MERTK: variants seen among roughly 807,000 people sequenced by gnomAD.
MERTK encodes tyrosine-protein kinase Mer.
Under a neutral mutation model 99.3 loss-of-function variants are expected in MERTK, and 69 were observed. That is an observed-to-expected ratio of 0.70 (90% CI 0.57 to 0.85). MERTK has a LOEUF of 0.85. MERTK is among the 40% of genes least tolerant of loss of function. The pLI, the probability that MERTK is intolerant of heterozygous loss-of-function variation, is 0.00. For synonymous variants in MERTK, 426 were observed against 467.6 expected (o/e 0.91, Z 1.15); for missense variants, 1,125 against 1,249.4 (o/e 0.90, Z 1.50).
intron 10 of MERTK, among the ~76,000 whole-genome samples, chr2:111,999,668 C>G (rs536514681): frequency 1.0e-3 from 153 of 152,258 alleles, no homozygotes; most frequent in Middle Eastern, 6.8e-3. Context: ...TGCTCCATAC[C>G]TAGTTTCCCC....
Position 111,997,459 on chromosome 2 carries a change from C to T in MERTK, c.1587C>T (p.Val529=). 2 of 1,613,974 alleles carry T rather than the reference C, an allele frequency of 1.2e-6. No individual in the cohort carries two copies. The highest frequency in any genetic ancestry group is 1.7e-6 in the Non-Finnish European group (2 of 1,179,992). Residue 529 remains valine, a synonymous_variant, in exon 10 of 19, where the codon GTC becomes GTT. Transcript: ENST00000295408. ...LYISLAIRKR[V]QETKFGNAFT... ...TCTCCTTGGCCATCAGAAAAAGAGT[C>T]CAGGAGACAAAGTTTGGGTAAGTCT...
At chr2:111,925,292 A>ATATATATATATATATATATATTTTT (rs372747015) in intron 1 of MERTK, among the ~76,000 whole-genome samples, 1 of 24,498 alleles carries the variant, frequency 4.1e-5, no homozygotes, top group Non-Finnish European at 7.3e-5. Context: ...ATATATATAT[A>ATATATATATATATATATATATTTTT]TTTTTTTTTT....
At chr2:112,014,321 A>G (rs988429085) in intron 15 of MERTK, among the ~76,000 whole-genome samples, 5 of 151,062 alleles carry the variant, frequency 3.3e-5, no homozygotes, top group Admixed American at 6.6e-5. Context: ...GTGCCCGGCC[A>G]TGCCTGGCTA....
At chr2:111,917,592 T>C (rs1684376089) in intron 1 of MERTK, among the ~76,000 whole-genome samples, 2 of 152,144 alleles carry the variant, frequency 1.3e-5, no homozygotes, top group Non-Finnish European at 2.9e-5. Flanking sequence ...TTTAAAATTA[T>C]GCTAAAAGAC....
At chr2:111,971,489 C>T (rs1277848490) in intron 6 of MERTK, among the ~76,000 whole-genome samples, 2 of 151,952 alleles carry the variant, frequency 1.3e-5, no homozygotes, top group Non-Finnish European at 2.9e-5. Context: ...AGCTGCATCC[C>T]ATAAGGTTTT....
intron 1 of MERTK, among the ~76,000 whole-genome samples, chr2:111,910,145 G>C (rs1684214853): frequency 6.6e-6 from 1 of 152,148 alleles, no homozygotes; most frequent in Non-Finnish European, 1.5e-5. Context: ...CATGCCTATG[G>C]TCATAGCTGC....
At chr2:111,997,860 T>C (rs371568278) in intron 10 of MERTK, among the ~76,000 whole-genome samples, 10 of 152,344 alleles carry the variant, frequency 6.6e-5, no homozygotes, top group African/African-American at 2.2e-4. Context: ...GAGACCAGCC[T>C]GGCCACCATG....
intron 3 of MERTK, among the ~76,000 whole-genome samples, chr2:111,945,666 A>G (rs1558781916): frequency 6.6e-6 from 1 of 152,298 alleles, no homozygotes; most frequent in East Asian, 1.9e-4. Flanking sequence ...GCCCTCAGGG[A>G]ACTTGAACTC....
rs762299005 is a variant in MERTK, at chr2:112,028,647, G to A, written c.2783G>A (p.Arg928Gln). 2.4e-5 allele frequency: 38 copies of A among 1,614,058 alleles called. No individual in the cohort carries two copies. Among genetic ancestry groups the A allele is most frequent in the Admixed American group, 1.2e-4 (7 of 59,990 alleles). ...EVHDSKPHEGRYILNGGSEEW... is the reference protein window; with the variant it reads ...EVHDSKPHEGQYILNGGSEEW... ...CATGACAGCAAACCTCATGAAGGACGGTACATCCTGAATGGGGGCAGTGAG... is the reference window on the plus strand; with the variant it reads ...CATGACAGCAAACCTCATGAAGGACAGTACATCCTGAATGGGGGCAGTGAG... Residue 928 changes from arginine (R) to glutamine (Q), a missense_variant, in exon 19 of 19, where the codon CGG becomes CAG. Coordinates refer to ENST00000295408, the MANE Select transcript of MERTK (RefSeq NM_006343.3).
chr2:111,964,043 C>CTT (rs56693776), intron 4 of MERTK, among the ~76,000 whole-genome samples: 6 of 103,856 alleles, frequency 5.8e-5, no homozygotes, highest in East Asian at 2.3e-4. Context: ...AATTTTCTTT[C>CTT]TTTTTTTTTT....
At chr2:112,011,248 T>G (rs181589592) in intron 15 of MERTK, among the ~76,000 whole-genome samples, 6 of 152,240 alleles carry the variant, frequency 3.9e-5, no homozygotes. Flanking sequence ...GCAAGGAAAT[T>G]AGTTCTTAGG....
intron 18 of MERTK, 69 bp downstream of exon 18, chr2:112,022,463 G>A (rs920491260): frequency 2.6e-5 from 41 of 1,606,056 alleles, no homozygotes; most frequent in African/African-American, 9.4e-5. Context: ...CACTGACCTC[G>A]GAAACACAGC....
chr2:111,915,033 C>T (rs753341931), intron 1 of MERTK, among the ~76,000 whole-genome samples: 32 of 152,170 alleles, frequency 2.1e-4, no homozygotes, highest in South Asian at 6.2e-4. Flanking sequence ...ATTTGTTTTT[C>T]GGTAGTTTAA....
chr2:111,997,640 C>G (rs1304745786), intron 10 of MERTK, among the ~76,000 whole-genome samples, 164 bp downstream of exon 10: 1 of 152,208 alleles, frequency 6.6e-6, no homozygotes, highest in East Asian at 1.9e-4. Context: ...ACGCCATGGT[C>G]TACAGAAGCA....
chr2:111,940,511 T>C, intron 2 of MERTK: 1 of 594,050 alleles, frequency 1.7e-6, no homozygotes, highest in Non-Finnish European at 3.3e-6. Context: ...AAGCCCTCTT[T>C]TGTTTGATTT....
chr2:111,910,163 G>C (rs1684215297), intron 1 of MERTK, among the ~76,000 whole-genome samples: 1 of 152,152 alleles, frequency 6.6e-6, no homozygotes, highest in African/African-American at 2.4e-5. Context: ...TGCTCAGCAG[G>C]CTGAGGTGGG....
At chr2:111,928,218 T>C (rs1430831838) in intron 1 of MERTK, among the ~76,000 whole-genome samples, 7 of 34,164 alleles carry the variant, frequency 2.0e-4, no homozygotes, top group Admixed American at 6.2e-4. Context: ...ATGAGCAGCT[T>C]TTTTTTTTTT....
rs532087373 is a variant in MERTK at position 111,935,860 on chromosome 2, C to T, written c.482+6320C>T. Among the ~76,000 whole-genome samples, 234 of 151,698 alleles carry T rather than the reference C, an allele frequency of 1.5e-3. 1 individual carries two copies. The highest frequency in any genetic ancestry group is 2.7e-3 in the Non-Finnish European group (183 of 67,920). On this transcript the variant is annotated intron_variant, in intron 2 of 18. Transcript: ENST00000295408. ...TTTTATTGCATAGATGATTATATATCCTGTTTCATTCAGTTTATATTATGA... is the reference window on the plus strand; with the variant it reads ...TTTTATTGCATAGATGATTATATATTCTGTTTCATTCAGTTTATATTATGA...
rs568675095 is a variant in MERTK at position 112,021,836 on chromosome 2, G to A, written c.2349+255G>A. 1.1e-4 allele frequency among the ~76,000 whole-genome samples: 16 copies of A among 152,218 alleles called. 1 individual carries two copies. Among genetic ancestry groups the A allele is most frequent in the Middle Eastern group, 3.4e-3 (1 of 294 alleles). The stretch of plus-strand genomic sequence containing the variant: ...TAATTTCTTCCCATTTTTCCTTGCC[G>A]TCAAAGGATGACTCATTGCCCACAA... On this transcript the variant is annotated intron_variant, in intron 17 of 18. Coordinates refer to ENST00000295408, the MANE Select transcript of MERTK (RefSeq NM_006343.3).
Sources: allele counts gnomAD v4.1 joint callset (sites outside exome capture counted in the v4.1 genomes callset), GRCh38; gene constraint gnomAD v4.1.1; transcripts MANE v1.5; gene names NCBI Gene and HGNC (gene_info 2026-07-23, HGNC 2026-07-21).